Variants in ANGPT1 observed in about 807,000 individuals in gnomAD.
ANGPT1 encodes angiopoietin-1.
A neutral mutation model predicts 62.2 loss-of-function variants in ANGPT1; 17 were observed. That is an observed-to-expected ratio of 0.27 (90% CI 0.19 to 0.41). ANGPT1 has a LOEUF of 0.41. ANGPT1 is among the 10% of genes least tolerant of loss of function. ANGPT1 has a pLI of 1.00. For missense variants in ANGPT1, 478 were observed against 594.9 expected, an observed-to-expected ratio of 0.80 and a Z score of 2.04; for synonymous variants, 199 against 198.9, an observed-to-expected ratio of 1.00 and a Z score of 0.00.
intron 1 of ANGPT1, among the ~76,000 whole-genome samples, chr8:107,487,489 C>A (rs541571609): frequency 6.6e-6 from 1 of 151,878 alleles, no homozygotes; most frequent in Admixed American, 6.6e-5. Flanking sequence ...TCATATAAGG[C>A]CTAACATTGG....
At chr8:107,351,647 G>T (rs1234724874) in intron 1 of ANGPT1, among the ~76,000 whole-genome samples, 1 of 151,830 alleles carries the variant, frequency 6.6e-6, no homozygotes, top group African/African-American at 2.4e-5. Flanking sequence ...CTTTCACTTG[G>T]TTTCACTATA....
At chr8:107,338,469 G>A (rs1815621945) in intron 2 of ANGPT1, among the ~76,000 whole-genome samples, 1 of 152,162 alleles carries the variant, frequency 6.6e-6, no homozygotes, top group Non-Finnish European at 1.5e-5. Context: ...GGTGAGGAGG[G>A]GATGGGGCAG....
chr8:107,398,362 A>C lies in ANGPT1; in HGVS notation c.298-51265T>G, dbSNP rs1354133582. Among the ~76,000 whole-genome samples, 5 of 152,158 alleles carry C rather than the reference A, an allele frequency of 3.3e-5. No individual in the cohort carries two copies. In the South Asian group the frequency reaches 1.0e-3, roughly 32 times the overall value. On this transcript the variant is annotated intron_variant, in intron 1 of 8. Coordinates refer to ENST00000517746, the MANE Select transcript of ANGPT1 (RefSeq NM_001146.5). ...ATGCAATTTAAATTTAAATGTTAAA[A>C]ATCCATTTTAAGCCCTATTATTTCA... is the stretch of plus-strand genomic sequence containing the variant.
chr8:107,259,753 T>C (rs1005277037), intron 8 of ANGPT1, among the ~76,000 whole-genome samples: 5 of 152,062 alleles, frequency 3.3e-5, no homozygotes, highest in African/African-American at 1.2e-4. Flanking sequence ...TAATTTTAGT[T>C]AACTGTAGCT....
chr8:107,407,330 T>C (rs1322029606), intron 1 of ANGPT1, among the ~76,000 whole-genome samples: 2 of 151,602 alleles, frequency 1.3e-5, no homozygotes, highest in East Asian at 3.9e-4. Flanking sequence ...AAATGCATAA[T>C]TCAAAAAAAT....
chr8:107,403,542 G>T (rs982146091), intron 1 of ANGPT1, among the ~76,000 whole-genome samples: 3 of 151,882 alleles, frequency 2.0e-5, no homozygotes, highest in African/African-American at 7.3e-5. Flanking sequence ...TGATGATAAG[G>T]GTAAAGGGAG....
intron 7 of ANGPT1, among the ~76,000 whole-genome samples, chr8:107,277,717 TTCTTC>T (rs1404819797): frequency 6.6e-6 from 1 of 152,230 alleles, no homozygotes; most frequent in Non-Finnish European, 1.5e-5. Flanking sequence ...TTATTTAGTA[TTCTTC>T]TCAAGAAAGC....
intron 1 of ANGPT1, among the ~76,000 whole-genome samples, chr8:107,432,138 A>G (rs1811203470): frequency 6.7e-6 from 1 of 150,030 alleles, no homozygotes. Flanking sequence ...AAGATCATGC[A>G]ATTATAAAAA....
rs538209290 is a variant in ANGPT1, at chr8:107,459,433, G to C, written c.297+37829C>G. Reference sequence around the variant, plus strand: ...GAACCTGGGAGGCGGAGGTTGCAGTGAGCCAAGATCGTGCCACTGCACTCC... The same window carrying C: ...GAACCTGGGAGGCGGAGGTTGCAGTCAGCCAAGATCGTGCCACTGCACTCC... On this transcript the variant is annotated intron_variant, in intron 1 of 8. Transcript: ENST00000517746. 2.0e-5 allele frequency among the ~76,000 whole-genome samples: 3 copies of C among 152,056 alleles called. No homozygotes were observed. In the East Asian group the frequency reaches 5.8e-4, roughly 29 times the overall value.
intron 1 of ANGPT1, among the ~76,000 whole-genome samples, chr8:107,391,200 G>A (rs183706056): frequency 5.0e-4 from 76 of 152,214 alleles, no homozygotes; most frequent in Admixed American, 4.5e-3. Context: ...CACATCTCTG[G>A]TTCCCATCAT....
intron 1 of ANGPT1, among the ~76,000 whole-genome samples, chr8:107,384,972 G>T (rs932378707): frequency 6.6e-6 from 1 of 151,936 alleles, no homozygotes; most frequent in Admixed American, 6.6e-5. Flanking sequence ...CTGTTTGATT[G>T]GTCTGTCTGT....
At chr8:107,264,548 T>C (rs549660620) in intron 7 of ANGPT1, among the ~76,000 whole-genome samples, 197 bp from the exon 8 acceptor site, 54 of 152,284 alleles carry the variant, frequency 3.5e-4, no homozygotes, top group Non-Finnish European at 2.9e-5. Flanking sequence ...TCATTATGCA[T>C]GCTCAAACTC....
At chr8:107,413,538 T>A (rs1203591512) in intron 1 of ANGPT1, among the ~76,000 whole-genome samples, 2 of 151,348 alleles carry the variant, frequency 1.3e-5, no homozygotes, top group African/African-American at 4.8e-5. Flanking sequence ...AACTATTACA[T>A]ATTAAATATT....
chr8:107,302,327 C>T (rs752233657), intron 5 of ANGPT1, among the ~76,000 whole-genome samples: 7 of 151,778 alleles, frequency 4.6e-5, no homozygotes, highest in African/African-American at 7.3e-5. Flanking sequence ...TAAGGGCATG[C>T]GGTCCTCTTG....
chr8:107,421,425 C>T (rs1015077077), intron 1 of ANGPT1, among the ~76,000 whole-genome samples: 2 of 152,076 alleles, frequency 1.3e-5, no homozygotes, highest in Non-Finnish European at 1.5e-5. Context: ...AGATACCAGC[C>T]AAAACAAGGA....
intron 1 of ANGPT1, among the ~76,000 whole-genome samples, chr8:107,492,704 C>T (rs898165384): frequency 2.7e-5 from 4 of 150,436 alleles, no homozygotes; most frequent in African/African-American, 9.8e-5. Flanking sequence ...AGAGCATTCT[C>T]TCTGACTGTT....
intron 1 of ANGPT1, among the ~76,000 whole-genome samples, chr8:107,421,126 T>C (rs1391409634): frequency 6.6e-6 from 1 of 152,174 alleles, no homozygotes; most frequent in East Asian, 1.9e-4. Context: ...TTATTTTATA[T>C]TGGTAGAGTG....
intron 1 of ANGPT1, among the ~76,000 whole-genome samples, chr8:107,459,522 C>A (rs896328834): frequency 5.2e-4 from 71 of 135,650 alleles, no homozygotes; most frequent in African/African-American, 1.9e-3. Context: ...ACAACAACAA[C>A]AACAACAAAA....
intron 1 of ANGPT1, among the ~76,000 whole-genome samples, chr8:107,477,766 C>T (rs1400860597): frequency 6.6e-6 from 1 of 151,968 alleles, no homozygotes; most frequent in Non-Finnish European, 1.5e-5. Flanking sequence ...TCATCTCAAA[C>T]AAAATTTCTT....
Sources: allele counts gnomAD v4.1 joint callset (sites outside exome capture counted in the v4.1 genomes callset), GRCh38; gene constraint gnomAD v4.1.1; transcripts MANE v1.5; gene names NCBI Gene and HGNC (gene_info 2026-07-23, HGNC 2026-07-21).